The following B3GALT1 variants were observed in gnomAD, a reference collection of about 807,000 sequenced individuals.
The protein encoded by B3GALT1 is beta-1,3-galactosyltransferase 1.
B3GALT1 carries 10 observed loss-of-function variants against 23.2 expected under a neutral mutation model. That is an observed-to-expected ratio of 0.43 (90% CI 0.27 to 0.73). The LOEUF (loss-of-function observed/expected upper bound fraction) is 0.73. Ranked by LOEUF, B3GALT1 falls within the 30% of genes least tolerant of loss-of-function variation. The pLI is 0.21. For synonymous variants in B3GALT1, 156 were observed against 141.5 expected, an observed-to-expected ratio of 1.10 and a Z score of -0.73; for missense variants, 299 against 405.4, an observed-to-expected ratio of 0.74 and a Z score of 2.25.
intron 3 of B3GALT1, chr2:167,714,510 A>G (rs1173254157): frequency 1.2e-6 from 2 of 1,610,878 alleles, no homozygotes; most frequent in East Asian, 4.5e-5. Context: ...GAGGGACCAT[A>G]TGGCGAACGC....
intron 2 of B3GALT1, among the ~76,000 whole-genome samples, chr2:167,557,489 T>C (rs1683875302): frequency 6.6e-6 from 1 of 152,132 alleles, no homozygotes; most frequent in African/African-American, 2.4e-5. Flanking sequence ...CTTAGAAACA[T>C]GATATCTTGG....
chr2:167,535,370 A>G (rs1210138961), intron 2 of B3GALT1, among the ~76,000 whole-genome samples: 1 of 152,136 alleles, frequency 6.6e-6, no homozygotes, highest in Admixed American at 6.5e-5. Context: ...CATCATGGGA[A>G]AGACATGGCC....
intron 2 of B3GALT1, among the ~76,000 whole-genome samples, chr2:167,602,344 C>T (rs1350947378): frequency 1.3e-5 from 2 of 152,184 alleles, no homozygotes; most frequent in Non-Finnish European, 2.9e-5. Flanking sequence ...TGCAGTGCCA[C>T]ACAATTGAAC....
intron 1 of B3GALT1, among the ~76,000 whole-genome samples, chr2:167,343,916 C>G (rs1253903797): frequency 2.0e-5 from 3 of 152,066 alleles, no homozygotes; most frequent in Non-Finnish European, 4.4e-5. Flanking sequence ...AGTCCTTTGC[C>G]CACATACACT....
intron 2 of B3GALT1, among the ~76,000 whole-genome samples, chr2:167,560,912 A>G (rs554963403): frequency 6.6e-4 from 100 of 151,966 alleles, no homozygotes; most frequent in African/African-American, 2.2e-3. Flanking sequence ...CAGAAAGTCA[A>G]CAAGGATACC....
intron 4 of B3GALT1, among the ~76,000 whole-genome samples, chr2:167,857,304 G>A (rs1390090423): frequency 6.6e-6 from 1 of 151,820 alleles, no homozygotes; most frequent in Non-Finnish European, 1.5e-5. Context: ...AAAGGCCTTG[G>A]GAGAGATTAA....
chr2:167,869,280 G>C lies in B3GALT1; in HGVS notation c.241G>C (p.Val81Leu). The change falls in exon 5 of 5, where the codon GTT becomes CTT. Residue 81 changes from valine (V) to leucine (L), a missense_variant. Physicochemically the swap from Val to Leu is conservative, Grantham distance 32. Coordinates refer to ENST00000392690, the MANE Select transcript of B3GALT1 (RefSeq NM_020981.4). This position sits in a 1 kb window ranked among gnomAD's most constrained non-coding sequence, Gnocchi z 6.4. ...ATGTGAGAAAAACATTCCTTTTCTT[G>C]TTATCCTCATCAGCACCACTCACAA... Reference protein sequence around the residue: ...NKCEKNIPFLVILISTTHKEF... With the variant: ...NKCEKNIPFLLILISTTHKEF... 6.2e-7 allele frequency: 1 copy of C among 1,614,082 alleles called. No individual in the cohort carries two copies. Among genetic ancestry groups the C allele is most frequent in the Non-Finnish European group, 8.5e-7 (1 of 1,180,024 alleles).
At chr2:167,330,273 A>T (rs1344756842) in intron 1 of B3GALT1, among the ~76,000 whole-genome samples, 1 of 151,296 alleles carries the variant, frequency 6.6e-6, no homozygotes, top group African/African-American at 2.5e-5. Context: ...TCATGTTCTG[A>T]GATTCTTCTG....
intron 3 of B3GALT1, chr2:167,714,814 C>T: frequency 6.2e-7 from 1 of 1,612,150 alleles, no homozygotes; most frequent in Admixed American, 1.7e-5. Flanking sequence ...TCTTTTCTTC[C>T]ACTTTAGAAA....
chr2:167,731,551 A>G (rs917358504), intron 3 of B3GALT1, among the ~76,000 whole-genome samples: 3 of 152,204 alleles, frequency 2.0e-5, no homozygotes, highest in Non-Finnish European at 4.4e-5. Context: ...CAACTGCAGC[A>G]TCTTTTGTTT....
At chr2:167,667,201 C>T (rs1686214792) in intron 3 of B3GALT1, among the ~76,000 whole-genome samples, 2 of 152,008 alleles carry the variant, frequency 1.3e-5, no homozygotes, top group Admixed American at 1.3e-4. Context: ...ATTTCTCCTT[C>T]ACTTATGAAG....
Position 167,462,582 on chromosome 2 carries a change from C to T in B3GALT1, c.-510-27595C>T, listed in dbSNP as rs181166933. Among the ~76,000 whole-genome samples, 19 of 152,110 alleles carry T rather than the reference C, an allele frequency of 1.2e-4. No individual in the cohort carries two copies. In the East Asian group the frequency reaches 2.3e-3, roughly 19 times the overall value. On this transcript the variant is annotated intron_variant, in intron 1 of 4. Transcript: ENST00000392690. ...GTATCCATCTTTATCTTAGTATACC[C>T]GATGAATTGGATTGGGGCACTGAAG...
At chr2:167,733,678 A>G (rs914736731) in intron 3 of B3GALT1, among the ~76,000 whole-genome samples, 35 of 152,202 alleles carry the variant, frequency 2.3e-4, no homozygotes, top group Non-Finnish European at 3.4e-4. Context: ...CTTGCCAAGA[A>G]TGGAAGGCTA....
intron 1 of B3GALT1, among the ~76,000 whole-genome samples, chr2:167,407,607 AAG>A (rs762813806): frequency 9.9e-5 from 15 of 152,100 alleles, no homozygotes; most frequent in Non-Finnish European, 2.1e-4. Flanking sequence ...CTAAGGACAA[AAG>A]AGAGAAGACC....
intron 3 of B3GALT1, among the ~76,000 whole-genome samples, chr2:167,654,413 G>A (rs1186460054): frequency 6.6e-6 from 1 of 152,120 alleles, no homozygotes; most frequent in Non-Finnish European, 1.5e-5. Flanking sequence ...AGGAATGAGT[G>A]GGAAGGGGGA....
intron 1 of B3GALT1, among the ~76,000 whole-genome samples, chr2:167,312,620 A>G (rs947912913): frequency 3.9e-5 from 6 of 152,110 alleles, no homozygotes; most frequent in African/African-American, 1.4e-4. Context: ...GACATAAAAT[A>G]CAGATTGATT....
chr2:167,344,437 G>A (rs1697197592), intron 1 of B3GALT1, among the ~76,000 whole-genome samples: 1 of 151,902 alleles, frequency 6.6e-6, no homozygotes, highest in South Asian at 2.1e-4. Flanking sequence ...CCTTCTTATG[G>A]TAATCAAACA....
At chr2:167,799,201 T>A (rs1461349385) in intron 3 of B3GALT1, among the ~76,000 whole-genome samples, 2 of 152,180 alleles carry the variant, frequency 1.3e-5, no homozygotes, top group East Asian at 3.9e-4. Flanking sequence ...TTTTTGTATT[T>A]CAATAGCTTT....
intron 4 of B3GALT1, among the ~76,000 whole-genome samples, chr2:167,839,817 G>C (rs1689592962): frequency 6.6e-6 from 1 of 152,182 alleles, no homozygotes; most frequent in African/African-American, 2.4e-5. Flanking sequence ...CATGGTACTG[G>C]TACCAAAACA....
Sources: gnomAD v4.1 joint callset for allele counts (sites outside exome capture counted in the v4.1 genomes callset) on GRCh38, gnomAD v4.1.1 for gene constraint, Gnocchi (gnomAD v3.1) non-coding constraint, MANE v1.5 for transcripts, NCBI Gene and HGNC (gene_info 2026-07-23, HGNC 2026-07-21) for gene names.